The following PDE1A variants were observed in gnomAD, a reference collection of about 807,000 sequenced individuals.
The protein encoded by PDE1A is phosphodiesterase 1A.
In PDE1A, 35 loss-of-function variants were observed where a neutral mutation model predicts 61.7. The ratio of observed to expected loss-of-function variants is 0.57; its 90% CI spans 0.43 to 0.75. The LOEUF (loss-of-function observed/expected upper bound fraction) is 0.75, where lower values mean the gene tolerates loss of function less well. PDE1A is among the 30% of genes least tolerant of loss of function. The pLI, the probability that PDE1A is intolerant of heterozygous loss-of-function variation, is 0.00. For missense variants in PDE1A, 597 were observed against 630.6 expected (o/e 0.95, Z 0.57); for synonymous variants, 232 against 213.2 (o/e 1.09, Z -0.77).
rs1271946921 is a variant in PDE1A, at chr2:182,480,266, TA to T, written c.101+42009del. The stretch of plus-strand genomic sequence containing the variant: ...ATGGTCAAATAACACTCATTTTATT[TA>T]ACTCCTAAAACACAACGGTATTAAG... On this transcript the variant is annotated intron_variant, in intron 2 of 14. Coordinates refer to the PDE1A transcript ENST00000410103. Among the ~76,000 whole-genome samples the T allele has an allele frequency of 1.1e-4, 17 of 152,064 alleles. No homozygotes were observed. The East Asian group carries it at 2.5e-3, about 23-fold the overall frequency.
At chr2:182,219,608 A>C (rs1003678467) in intron 7 of PDE1A, among the ~76,000 whole-genome samples, 3 of 152,086 alleles carry the variant, frequency 2.0e-5, no homozygotes, top group Non-Finnish European at 4.4e-5. Flanking sequence ...GGCTTCTCTC[A>C]CTCTCCTATC....
chr2:182,302,183 T>C (rs1475789765), intron 1 of PDE1A, among the ~76,000 whole-genome samples: 1 of 152,192 alleles, frequency 6.6e-6, no homozygotes, highest in Non-Finnish European at 1.5e-5. Flanking sequence ...CAGCCCAACT[T>C]TCAACTGCAG....
the PDE1A span, among the ~76,000 whole-genome samples, chr2:182,555,619 T>G: frequency 6.6e-6 from 1 of 152,240 alleles, no homozygotes; most frequent in East Asian, 1.9e-4. Context: ...TCAGAAAATG[T>G]TTGAAATGTC....
At chr2:182,225,704 T>A (rs1689088184) in intron 6 of PDE1A, among the ~76,000 whole-genome samples, 2 of 139,300 alleles carry the variant, frequency 1.4e-5, no homozygotes, top group South Asian at 4.1e-4. Flanking sequence ...GCACCTATCA[T>A]GTCTTGTCAT....
chr2:182,170,240 G>A (rs904503723), intron 13 of PDE1A, among the ~76,000 whole-genome samples: 2 of 152,032 alleles, frequency 1.3e-5, no homozygotes, highest in Non-Finnish European at 2.9e-5. Context: ...CTCTGAGTGA[G>A]CTTCACTTTT....
chr2:182,233,966 A>AT (rs1464837474), intron 4 of PDE1A, among the ~76,000 whole-genome samples: 1 of 152,150 alleles, frequency 6.6e-6, no homozygotes, highest in Non-Finnish European at 1.5e-5. Flanking sequence ...TTCTTTCTTA[A>AT]TTTTATCTTA....
At chr2:182,201,000 G>A (rs1686580242) in intron 10 of PDE1A, among the ~76,000 whole-genome samples, 1 of 152,062 alleles carries the variant, frequency 6.6e-6, no homozygotes, top group Non-Finnish European at 1.5e-5. Context: ...TGTTGTTGTT[G>A]TTGCCTATTT....
At chr2:182,354,252 T>A (rs1018526592) in intron 1 of PDE1A, among the ~76,000 whole-genome samples, 1 of 152,140 alleles carries the variant, frequency 6.6e-6, no homozygotes, top group African/African-American at 2.4e-5. Flanking sequence ...CAGAAACAAA[T>A]GCCCAGCTAT....
chr2:182,562,860 T>C, the PDE1A span, among the ~76,000 whole-genome samples: 3 of 152,218 alleles, frequency 2.0e-5, no homozygotes, highest in African/African-American at 7.2e-5. Flanking sequence ...TTTGTAGTAT[T>C]CTCTGATGGT....
upstream of PDE1A, among the ~76,000 whole-genome samples, chr2:182,526,161 A>G (rs1690770959): frequency 6.6e-6 from 1 of 152,208 alleles, no homozygotes; most frequent in African/African-American, 2.4e-5. Flanking sequence ...TGACAAGAAA[A>G]TAATTTAGAA....
At chr2:182,404,722 T>C (rs1420185901) in intron 1 of PDE1A, among the ~76,000 whole-genome samples, 1 of 152,154 alleles carries the variant, frequency 6.6e-6, no homozygotes, top group East Asian at 1.9e-4. Context: ...AAGGTCAGGA[T>C]AATATCACTG....
chr2:182,261,938 T>G (rs1392956046), intron 2 of PDE1A, among the ~76,000 whole-genome samples: 1 of 152,184 alleles, frequency 6.6e-6, no homozygotes, highest in South Asian at 2.1e-4. Flanking sequence ...CAAGGACAGA[T>G]TGAATAAATC....
At chr2:182,681,527 T>C in the PDE1A span, among the ~76,000 whole-genome samples, 9 of 151,602 alleles carry the variant, frequency 5.9e-5, no homozygotes, top group Non-Finnish European at 1.3e-4. Context: ...GCTGAAGACT[T>C]TGAACACTAC....
chr2:182,564,278 T>C, the PDE1A span, among the ~76,000 whole-genome samples: 4 of 152,192 alleles, frequency 2.6e-5, no homozygotes, highest in African/African-American at 9.7e-5. Flanking sequence ...AGCATTTGCT[T>C]GTCTGTAAAG....
At chr2:182,695,645 C>A in the PDE1A span, among the ~76,000 whole-genome samples, 1 of 117,206 alleles carries the variant, frequency 8.5e-6, no homozygotes, top group Non-Finnish European at 1.6e-5. Flanking sequence ...CCAGCCTGGG[C>A]GACAGAACAA....
At chr2:182,396,493 C>A (rs766196355) in intron 1 of PDE1A, among the ~76,000 whole-genome samples, 1 of 152,240 alleles carries the variant, frequency 6.6e-6, no homozygotes, top group Non-Finnish European at 1.5e-5. Flanking sequence ...CCAGCTACGA[C>A]TACATGACCA....
chr2:182,188,920 C>G (rs749193611), intron 11 of PDE1A, 59 bp downstream of exon 11: 35 of 1,078,488 alleles, frequency 3.2e-5, no homozygotes, highest in Non-Finnish European at 4.7e-5. Context: ...CATCGTTTAC[C>G]CATTTGAAAA....
At chr2:182,214,410 A>G (rs1260218922) in intron 7 of PDE1A, among the ~76,000 whole-genome samples, 1 of 151,894 alleles carries the variant, frequency 6.6e-6, no homozygotes, top group Non-Finnish European at 1.5e-5. Flanking sequence ...ATTCACACAT[A>G]ACAATATTAA....
chr2:182,432,678 T>C (rs1265034962), intron 2 of PDE1A, among the ~76,000 whole-genome samples: 2 of 152,122 alleles, frequency 1.3e-5, no homozygotes. Flanking sequence ...ATCTGTTAAA[T>C]GTGTAATCTT....
Sources: allele counts gnomAD v4.1 joint callset (sites outside exome capture counted in the v4.1 genomes callset), GRCh38; gene constraint gnomAD v4.1.1; transcripts MANE v1.5; gene names NCBI Gene and HGNC (gene_info 2026-07-23, HGNC 2026-07-21).